The following THADA variants were observed in gnomAD, a reference collection of about 807,000 sequenced individuals.
The protein encoded by THADA is THADA armadillo repeat containing, also known as tRNA (32-2'-O)-methyltransferase regulator THADA.
A neutral mutation model predicts 219.8 loss-of-function variants in THADA; 213 were observed. The ratio of observed to expected loss-of-function variants is 0.97; its 90% CI spans 0.87 to 1.09. THADA has a LOEUF of 1.09. THADA is among the 50% of genes least tolerant of loss of function. The probability of loss-of-function intolerance (pLI) is 0.00; values close to 1 mark genes in which losing one functional copy is unlikely to be tolerated. For synonymous variants in THADA, 1,018 were observed against 828.9 expected, an observed-to-expected ratio of 1.23 and a Z score of -3.92; for missense variants, 2,956 against 2,311.3, an observed-to-expected ratio of 1.28 and a Z score of -5.72.
chr2:43,347,078 T>A (rs6735870), intron 29 of THADA, among the ~76,000 whole-genome samples: 4,652 of 152,136 alleles, frequency 0.031, 234 homozygotes, highest in African/African-American at 0.11. Flanking sequence ...GGATGCCTCA[T>A]CTGATGGTGG....
At chr2:43,420,014 C>T (rs1162385287) in intron 28 of THADA, among the ~76,000 whole-genome samples, 1 of 152,196 alleles carries the variant, frequency 6.6e-6, no homozygotes, top group Non-Finnish European at 1.5e-5. Flanking sequence ...ATGATGCCTT[C>T]CAAGTTATGA....
intron 26 of THADA, among the ~76,000 whole-genome samples, chr2:43,464,820 T>C (rs982198400): frequency 1.3e-5 from 2 of 152,140 alleles, no homozygotes; most frequent in African/African-American, 4.8e-5. Flanking sequence ...CCCGCAGGAC[T>C]GTATTTTCAA....
chr2:43,246,004 T>C (rs1172953350), intron 36 of THADA, among the ~76,000 whole-genome samples: 16 of 139,122 alleles, frequency 1.2e-4, no homozygotes, highest in African/African-American at 2.5e-4. Context: ...ACCTCCGAGC[T>C]TTATCCAGAA....
chr2:43,378,265 G>A (rs1671611253), intron 29 of THADA, among the ~76,000 whole-genome samples: 1 of 152,112 alleles, frequency 6.6e-6, no homozygotes. Context: ...AACTGAAAAT[G>A]GAATCAGTGA....
chr2:43,578,154 A>AT lies in THADA; in HGVS notation c.816+358dup, dbSNP rs972921221. ...ATTCACTTCTTTAAAAATATTTTTA[A>AT]TTTTTTTTTTTTTTAAGAGACAAGG... On this transcript the variant is annotated intron_variant, in intron 9 of 37. Transcript: ENST00000405975. Among the ~76,000 whole-genome samples the AT allele has an allele frequency of 9.6e-3, 1,398 of 145,140 alleles. 16 individuals are homozygous for AT. Among genetic ancestry groups the AT allele is most frequent in the African/African-American group, 0.028 (1,123 of 39,868 alleles).
chr2:43,579,291 A>G lies in THADA; in HGVS notation c.722-684T>C, dbSNP rs114814204. On this transcript the variant is annotated intron_variant, in intron 8 of 37. Coordinates refer to ENST00000405975, the MANE Select transcript of THADA (RefSeq NM_022065.5). ...CCTCCACCAATGCCTCTGTATCCCAATCACCATATACACAGACTTTTTCAA... is the reference window on the plus strand; with the variant it reads ...CCTCCACCAATGCCTCTGTATCCCAGTCACCATATACACAGACTTTTTCAA... Among the ~76,000 whole-genome samples the G allele has an allele frequency of 3.0e-3, 453 of 152,276 alleles. 4 individuals carry two copies. The highest frequency in any genetic ancestry group is 9.6e-3 in the African/African-American group (398 of 41,550).
intron 29 of THADA, among the ~76,000 whole-genome samples, chr2:43,384,716 A>G (rs1311908577): frequency 6.6e-6 from 1 of 152,246 alleles, no homozygotes; most frequent in African/African-American, 2.4e-5. Context: ...CTGTAATCCC[A>G]GCACTTTGGG....
chr2:43,277,239 A>G (rs1180981866), intron 36 of THADA: 1 of 152,442 alleles, frequency 6.6e-6, no homozygotes, highest in East Asian at 1.9e-4. Flanking sequence ...GCAGAAGGAG[A>G]TCGGGCCTTG....
At chr2:43,334,426 A>G (rs1006203844) in intron 30 of THADA, among the ~76,000 whole-genome samples, 11 of 152,300 alleles carry the variant, frequency 7.2e-5, no homozygotes, top group African/African-American at 2.6e-4. Flanking sequence ...GGCTTTCAAC[A>G]AACATTAGCT....
At chr2:43,527,813 T>C in intron 22 of THADA, 66 bp downstream of exon 22, 1 of 1,109,702 alleles carries the variant, frequency 9.0e-7, no homozygotes, top group Non-Finnish European at 1.3e-6. Flanking sequence ...AACTAAATTC[T>C]ACTCCAAGCA....
intron 31 of THADA, among the ~76,000 whole-genome samples, chr2:43,317,315 C>T (rs115806193): frequency 1.6e-4 from 25 of 152,302 alleles, no homozygotes; most frequent in Admixed American, 4.6e-4. Context: ...ATTTTGATAA[C>T]AGCTGTTACT....
intron 26 of THADA, among the ~76,000 whole-genome samples, chr2:43,432,329 G>C (rs2104828927): frequency 6.6e-6 from 1 of 152,280 alleles, no homozygotes; most frequent in African/African-American, 2.4e-5. Context: ...ACTCAGCACA[G>C]AGTTTATGAA....
intron 7 of THADA, among the ~76,000 whole-genome samples, 174 bp downstream of exon 7, chr2:43,586,227 T>G (rs1701011960): frequency 6.6e-6 from 1 of 152,172 alleles, no homozygotes; most frequent in African/African-American, 2.4e-5. Flanking sequence ...ATCACACCAC[T>G]GCACTACAGC....
chr2:43,286,344 G>A (rs967051942), intron 35 of THADA, among the ~76,000 whole-genome samples: 2 of 152,168 alleles, frequency 1.3e-5, no homozygotes, highest in African/African-American at 4.8e-5. Flanking sequence ...CCCACTCAAA[G>A]GTTTTAAATA....
chr2:43,321,043 A>G (rs1317320059), intron 30 of THADA, among the ~76,000 whole-genome samples: 1 of 152,256 alleles, frequency 6.6e-6, no homozygotes, highest in African/African-American at 2.4e-5. Context: ...CAAGATTAAC[A>G]AACACTGGAG....
chr2:43,323,937 C>T (rs577084614), intron 30 of THADA, among the ~76,000 whole-genome samples: 26 of 152,272 alleles, frequency 1.7e-4, no homozygotes, highest in Admixed American at 9.2e-4. Context: ...TAAGAGAATG[C>T]GTTGATAAGG....
intron 22 of THADA, among the ~76,000 whole-genome samples, chr2:43,514,356 TG>T (rs1296328208): frequency 6.7e-6 from 1 of 149,552 alleles, no homozygotes; most frequent in Non-Finnish European, 1.5e-5. Flanking sequence ...GAGGCTGAGG[TG>T]GGAGGATCGC....
chr2:43,389,258 A>G (rs1181114747), intron 29 of THADA, among the ~76,000 whole-genome samples: 2 of 152,228 alleles, frequency 1.3e-5, no homozygotes, highest in Non-Finnish European at 2.9e-5. Flanking sequence ...ACATGCTCCC[A>G]GCTTTTGTGT....
chr2:43,494,801 T>C (rs1429427088), intron 25 of THADA, among the ~76,000 whole-genome samples: 3 of 152,202 alleles, frequency 2.0e-5, no homozygotes, highest in Non-Finnish European at 4.4e-5. Context: ...ATACTACATT[T>C]CCCTATATTT....
Sources: gnomAD v4.1 joint callset for allele counts (sites outside exome capture counted in the v4.1 genomes callset) on GRCh38, gnomAD v4.1.1 for gene constraint, MANE v1.5 for transcripts, NCBI Gene and HGNC (gene_info 2026-07-23, HGNC 2026-07-21) for gene names.